KIFC3: variants seen among roughly 807,000 people sequenced by gnomAD.
KIFC3 encodes kinesin family member C3, also known as kinesin-like protein KIFC3.
KIFC3 carries 60 observed loss-of-function variants against 101.8 expected under a neutral mutation model. The observed-to-expected ratio is 0.59, with a 90% CI of 0.48 to 0.73. KIFC3 has a LOEUF of 0.73. Among genes scored for constraint, KIFC3 ranks in the 30% least tolerant of loss-of-function variants. The pLI is 0.00. For synonymous variants in KIFC3, 476 were observed against 482.7 expected (o/e 0.99, Z 0.18); for missense variants, 966 against 1,137.1 (o/e 0.85, Z 2.16).
chr16:57,769,986 C>G lies in KIFC3; in HGVS notation c.940-31G>C, dbSNP rs1438646510. 1.2e-6 allele frequency: 2 copies of G among 1,600,174 alleles called. No homozygotes were observed. Among genetic ancestry groups the G allele is most frequent in the African/African-American group, 1.3e-5 (1 of 74,760 alleles). The stretch of plus-strand genomic sequence containing the variant: ...CAGACCAGGAAAAGGCTCAGTACCT[C>G]GAGGTGCGGGAGAGAGAGGGGCAGG... On this transcript the variant is annotated intron_variant, in intron 7 of 19. Transcript: ENST00000445690. The surrounding 1 kb of genome is among the most constrained non-coding windows in gnomAD (Gnocchi z 4.3).
rs1555590492 is a variant in KIFC3, at chr16:57,758,502, A to G, written c.*432T>C. On this transcript the variant is annotated 3_prime_UTR_variant, in exon 20 of 20. Transcript: ENST00000445690. ...GTGCCACCAACCCACCCCAGTCCCC[A>G]TGGTTCTTGGGTCTGCCCAGAGGCT... 1 of 457,232 alleles carries G rather than the reference A, an allele frequency of 2.2e-6. No individual in the cohort carries two copies. The highest frequency in any genetic ancestry group is 2.0e-5 in the African/African-American group (1 of 50,430). The allele number at this position is 457,232 out of a possible 1,614,324, so 28.3% of individuals were successfully genotyped here.
At chr16:57,798,501 G>A (rs1555624289) in intron 1 of KIFC3, 3 of 590,128 alleles carry the variant, frequency 5.1e-6, no homozygotes, top group Admixed American at 3.1e-5. Context: ...CGGAGGCTCC[G>A]AAGTGCGAAA....
At chr16:57,783,557 T>C (rs1327557120) in intron 3 of KIFC3, among the ~76,000 whole-genome samples, 2 of 149,052 alleles carry the variant, frequency 1.3e-5, no homozygotes, top group Non-Finnish European at 3.0e-5. Flanking sequence ...ACTGCAACCT[T>C]TCCCTCCCGG....
intron 1 of KIFC3, among the ~76,000 whole-genome samples, chr16:57,859,530 C>T (rs1417027896): frequency 6.6e-6 from 1 of 152,122 alleles, no homozygotes; most frequent in Non-Finnish European, 1.5e-5. Flanking sequence ...TCAGAAACTC[C>T]AGCAGGGGGC....
rs1555594222 is a variant in KIFC3, at chr16:57,759,856, G to C, written c.2368-20C>G. 6.3e-7 allele frequency: 1 copy of C among 1,584,944 alleles called. No individual in the cohort carries two copies. Among genetic ancestry groups the C allele is most frequent in the Admixed American group, 1.8e-5 (1 of 56,242 alleles). On this transcript the variant is annotated intron_variant, in intron 17 of 19. Transcript: ENST00000445690. ...CTCCCACTGTGAGCAGGGAAGGGCG[G>C]ATGGGCGGGGGCCACGGCTGCCCTG...
intron 3 of KIFC3, among the ~76,000 whole-genome samples, chr16:57,773,066 C>A (rs2051489865): frequency 6.6e-6 from 1 of 152,218 alleles, no homozygotes; most frequent in Admixed American, 6.5e-5. Flanking sequence ...AGACCCTGGT[C>A]TCACATCAGC....
Position 57,758,599 on chromosome 16 carries a change from G to C in KIFC3, c.*335C>G. On this transcript the variant is annotated 3_prime_UTR_variant, in exon 20 of 20. Coordinates refer to ENST00000445690, the MANE Select transcript of KIFC3 (RefSeq NM_001130100.2). ...GGAGAGGGGCCGAGAAAGCCTGGGT[G>C]AGAGGCCCACCCTCCTCCACACTCC... 1.5e-6 allele frequency: 1 copy of C among 687,242 alleles called. No individual in the cohort carries two copies. The highest frequency in any genetic ancestry group is 2.7e-6 in the Non-Finnish European group (1 of 375,656). 42.6% of individuals were successfully genotyped at this position (687,242 alleles called of 1,614,324 possible). A position where few individuals can be genotyped will look rare whatever the true frequency, so the allele number is the denominator to read the frequency against.
Position 57,758,317 on chromosome 16 carries a change from G to A in KIFC3, c.*617C>T, listed in dbSNP as rs1052648502. 5.4e-5 allele frequency: 13 copies of A among 242,380 alleles called. No homozygotes were observed. Among genetic ancestry groups the A allele is most frequent in the Admixed American group, 2.1e-4 (4 of 19,094 alleles). 15.0% of individuals were successfully genotyped at this position (242,380 alleles called of 1,614,324 possible). On this transcript the variant is annotated 3_prime_UTR_variant, in exon 20 of 20. Coordinates refer to ENST00000445690, the MANE Select transcript of KIFC3 (RefSeq NM_001130100.2). Reference sequence around the variant, plus strand: ...AGGGAAGAAAATTCGAGAGACCAGCGAGCCAGGCAGGTGAGCGAGCAGCAG... The same window carrying A: ...AGGGAAGAAAATTCGAGAGACCAGCAAGCCAGGCAGGTGAGCGAGCAGCAG...
upstream of KIFC3, among the ~76,000 whole-genome samples, chr16:57,804,269 AACACTGTGTCAGGCACAGC>A (rs2054881330): frequency 1.3e-5 from 2 of 152,198 alleles, no homozygotes; most frequent in South Asian, 4.1e-4. Flanking sequence ...TATTGAAGCT[AACACTGTGTCAGGCACAGC>A]ACTAAGCTCT....
chr16:57,818,915 G>A (rs1002456), intron 1 of KIFC3, among the ~76,000 whole-genome samples: 70,574 of 152,102 alleles, frequency 0.46, 17,538 homozygotes, highest in African/African-American at 0.64. Context: ...TTCTCTGCCA[G>A]CAGCAAGGCC....
intron 2 of KIFC3, among the ~76,000 whole-genome samples, chr16:57,795,521 T>G (rs1177694987): frequency 6.6e-6 from 1 of 152,190 alleles, no homozygotes; most frequent in Non-Finnish European, 1.5e-5. Flanking sequence ...GGCTATGGCT[T>G]TATTACCCCG....
intron 1 of KIFC3, among the ~76,000 whole-genome samples, chr16:57,848,392 C>T (rs1317822035): frequency 2.0e-5 from 3 of 152,074 alleles, no homozygotes; most frequent in South Asian, 2.1e-4. Flanking sequence ...TTTGGGAGGC[C>T]GAGGCAGGAG....
At chr16:57,762,795 T>C (rs2050019861) in intron 12 of KIFC3, among the ~76,000 whole-genome samples, 1 of 152,150 alleles carries the variant, frequency 6.6e-6, no homozygotes, top group African/African-American at 2.4e-5. Flanking sequence ...AGCCTGGCCC[T>C]CACCCCTCTT....
At chr16:57,822,842 T>C (rs1285211306) in intron 1 of KIFC3, among the ~76,000 whole-genome samples, 4 of 152,228 alleles carry the variant, frequency 2.6e-5, no homozygotes, top group East Asian at 3.8e-4. Context: ...CTTGGAGCAA[T>C]TGACAAAATC....
rs1491530762 is a variant in KIFC3, at chr16:57,860,038, A to AAAATAAAATAAAATAAAAT, written c.108+2672_108+2690dup. 3.9e-3 allele frequency among the ~76,000 whole-genome samples: 409 copies of AAAATAAAATAAAATAAAAT among 104,622 alleles called. 5 individuals carry two copies. The highest frequency in any genetic ancestry group is 0.015 in the African/African-American group (394 of 26,518). 68.6% of individuals were successfully genotyped at this position (104,622 alleles called of 152,430 possible). On this transcript the variant is annotated intron_variant, in intron 1 of 2. Transcript: ENST00000563028. ...CTCTGTCTCAAAAATAAAATAAAATAAAATAAAATAAAATAAAATAAAATA... is the reference window on the plus strand; with the variant it reads ...CTCTGTCTCAAAAATAAAATAAAATAAAATAAAATAAAATAAAATAAATAAAATAAAATAAAATAAAATA...
intron 3 of KIFC3, chr16:57,775,112 C>A: frequency 6.9e-7 from 1 of 1,450,408 alleles, no homozygotes; most frequent in East Asian, 2.6e-5. Flanking sequence ...GGGTTCTGTT[C>A]TGTCCTTGCA....
At chr16:57,802,744 C>T (rs1449972081), upstream of KIFC3, 6 of 742,718 alleles carry the variant, frequency 8.1e-6, no homozygotes, top group Admixed American at 2.5e-5. This position sits in a 1 kb window ranked among gnomAD's most constrained non-coding sequence, Gnocchi z 5.0. Context: ...CGTGCTCATG[C>T]GTTCCCTGAA....
At chr16:57,862,789 T>A (rs1319282600) in exon 1 of KIFC3, 1 of 1,289,744 alleles carries the variant, frequency 7.8e-7, no homozygotes, top group South Asian at 1.2e-5. Context: ...TGGGCTTCCA[T>A]GCAGCTGTCA....
rs963540332 is a variant in KIFC3, at chr16:57,769,438, G to A, written c.1218+157C>T. Among the ~76,000 whole-genome samples the A allele has an allele frequency of 2.0e-5, 3 of 152,144 alleles. No individual in the cohort carries two copies. Among genetic ancestry groups the A allele is most frequent in the Non-Finnish European group, 4.4e-5 (3 of 68,024 alleles). On this transcript the variant is annotated intron_variant, in intron 9 of 19. Transcript: ENST00000445690. This position sits in a 1 kb window ranked among gnomAD's most constrained non-coding sequence, Gnocchi z 4.3. ...CCCTGAGCAGTCTAGTTTCAAACAG[G>A]GCCTATAAGGGCAGCAGTAAGTGTC...
Sources: allele counts gnomAD v4.1 joint callset (sites outside exome capture counted in the v4.1 genomes callset), GRCh38; gene constraint gnomAD v4.1.1; non-coding constraint Gnocchi (gnomAD v3.1); transcripts MANE v1.5; gene names NCBI Gene and HGNC (gene_info 2026-07-23, HGNC 2026-07-21).